Variants in VTA1 observed in about 807,000 individuals in gnomAD.
VTA1 encodes vacuolar protein sorting-associated protein VTA1 homolog.
Under a neutral mutation model 36.9 loss-of-function variants are expected in VTA1, and 24 were observed. That is an observed-to-expected ratio of 0.65 (90% CI 0.47 to 0.91). The LOEUF is 0.91. VTA1 is among the 40% of genes least tolerant of loss of function. The pLI is 0.00. For synonymous variants in VTA1, 142 were observed against 130.2 expected (o/e 1.09, Z -0.62); for missense variants, 393 against 377.2 (o/e 1.04, Z -0.35).
At chr6:142,215,939 T>C (rs532890564) in intron 7 of VTA1, among the ~76,000 whole-genome samples, 3 of 152,302 alleles carry the variant, frequency 2.0e-5, no homozygotes, top group Admixed American at 1.3e-4. Context: ...GATCTTGTCC[T>C]GACCTCTGAA....
intron 4 of VTA1, among the ~76,000 whole-genome samples, chr6:142,187,918 T>C (rs996205079): frequency 6.7e-6 from 1 of 148,834 alleles, no homozygotes; most frequent in African/African-American, 2.5e-5. Context: ...CTTTCTTTTT[T>C]TTTTTTTTTT....
intron 4 of VTA1, 110 bp from the exon 5 acceptor site, chr6:142,189,316 A>T: frequency 2.4e-6 from 2 of 831,926 alleles, no homozygotes; most frequent in South Asian, 3.8e-5. Context: ...TTAGAGCTGT[A>T]ATCTGCAAAA....
chr6:142,198,700 G>A (rs986822089), intron 6 of VTA1, 85 bp downstream of exon 6: 7 of 1,284,132 alleles, frequency 5.5e-6, no homozygotes, highest in Middle Eastern at 1.9e-4. Flanking sequence ...GCCTCATAAT[G>A]ATGGTCATGA....
At chr6:142,157,678 G>A (rs1778688099) in intron 1 of VTA1, among the ~76,000 whole-genome samples, 1 of 151,952 alleles carries the variant, frequency 6.6e-6, no homozygotes, top group Non-Finnish European at 1.5e-5. Flanking sequence ...ATTATATTTG[G>A]TTGTTCAAAG....
intron 5 of VTA1, among the ~76,000 whole-genome samples, chr6:142,191,628 A>G (rs1471296060): frequency 2.0e-5 from 3 of 152,096 alleles, no homozygotes; most frequent in African/African-American, 7.2e-5. Context: ...ATTGTAAGCT[A>G]CAGAATACTA....
In VTA1 at chr6:142,170,428, G is replaced by A. The variant is rs749945279; in HGVS notation, c.411+7G>A. The A allele has an allele frequency of 3.2e-5, 50 of 1,549,072 alleles. No individual in the cohort carries two copies. The highest frequency in any genetic ancestry group is 4.2e-5 in the Non-Finnish European group (48 of 1,133,860). ...TGGAGAACTCACTGATGAAGTGAGT[G>A]TACATTCTTTATTGTCTTATTAGCT... On this transcript the variant is annotated splice_region_variant and intron_variant, in intron 4 of 7. Transcript: ENST00000367630.
In VTA1 at chr6:142,189,479, T is replaced by C; in HGVS notation, c.465T>C (p.Cys155=). ...GGAAGGCAACATACATCCATAATTG[T>C]TTAAAGAATGGGGAGACTCCTCAAG... ...ARWKATYIHN[C]LKNGETPQAG... The change falls in exon 5 of 8, where the codon TGT becomes TGC. Residue 155 remains cysteine, a synonymous_variant. Transcript: ENST00000367630. 4 of 1,614,028 alleles carry C rather than the reference T, an allele frequency of 2.5e-6. No individual in the cohort carries two copies. Among genetic ancestry groups the C allele is most frequent in the Non-Finnish European group, 3.4e-6 (4 of 1,179,956 alleles).
At chr6:142,165,792 T>C (rs1428660482) in intron 1 of VTA1, among the ~76,000 whole-genome samples, 1 of 152,188 alleles carries the variant, frequency 6.6e-6, no homozygotes, top group African/African-American at 2.4e-5. Context: ...AAAATTACTA[T>C]AGCAATTCTT....
At position 142,170,293 on chromosome 6, in the gene VTA1, T is replaced by G. The variant is rs1775003191; in HGVS notation, c.336-53T>G. ...TTTTCTTATAGCTAAATGACAAAAC[T>G]ACATTTTAATGTGTTTCATATTTAA... On this transcript the variant is annotated intron_variant, in intron 3 of 7. Transcript: ENST00000367630. 9 of 1,358,116 alleles carry G rather than the reference T, an allele frequency of 6.6e-6. No individual in the cohort carries two copies. In the Admixed American group the frequency reaches 1.7e-4, roughly 25 times the overall value. 84.1% of individuals were successfully genotyped at this position (1,358,116 alleles called of 1,614,324 possible).
intron 4 of VTA1, among the ~76,000 whole-genome samples, chr6:142,184,153 A>G (rs1375104423): frequency 6.6e-6 from 1 of 152,214 alleles, no homozygotes; most frequent in Admixed American, 6.5e-5. Context: ...ACCAAAAGGT[A>G]CATTCTGCAT....
rs1776147054 is a variant in VTA1, at chr6:142,223,230, C to CA, written c.*4588dup. 6.6e-6 allele frequency: 1 copy of CA among 152,148 alleles called. No homozygotes were observed. The highest frequency in any genetic ancestry group is 1.5e-5 in the Non-Finnish European group (1 of 68,032). The allele number at this position is 152,148 out of a possible 1,614,324, so 9.4% of individuals were successfully genotyped here. ...TTGCACCCTCAATATCTGGAATATA[C>CA]ACTGATCTATGACCTGAAATTGTAT... On this transcript the variant is annotated 3_prime_UTR_variant, in exon 8 of 8. Coordinates refer to ENST00000367630, the MANE Select transcript of VTA1 (RefSeq NM_016485.5).
intron 7 of VTA1, among the ~76,000 whole-genome samples, chr6:142,207,063 A>G (rs1274156871): frequency 6.6e-6 from 1 of 152,164 alleles, no homozygotes; most frequent in Admixed American, 6.5e-5. Flanking sequence ...ACAAATATAC[A>G]GCACTGAGAT....
Position 142,157,355 on chromosome 6 carries a change from T to A in VTA1, c.113-8873T>A, listed in dbSNP as rs114436232. 4.3e-3 allele frequency among the ~76,000 whole-genome samples: 659 copies of A among 152,298 alleles called. 7 individuals carry two copies. The highest frequency in any genetic ancestry group is 0.015 in the African/African-American group (624 of 41,550). On this transcript the variant is annotated intron_variant, in intron 1 of 7. Transcript: ENST00000367630. ...TATTGCTTGATTACTTACTTTTTTT[T>A]ATTAATAAGCTTTCTCAGGGTACTT...
intron 7 of VTA1, among the ~76,000 whole-genome samples, chr6:142,216,941 A>T (rs1159081626): frequency 6.6e-6 from 1 of 152,224 alleles, no homozygotes; most frequent in East Asian, 1.9e-4. Context: ...TCAATTTTCA[A>T]AGATGTTTCC....
chr6:142,216,243 T>C (rs1428450138), intron 7 of VTA1, among the ~76,000 whole-genome samples: 1 of 152,184 alleles, frequency 6.6e-6, no homozygotes, highest in Non-Finnish European at 1.5e-5. Context: ...TTTACCCTTA[T>C]ATATTTTTCG....
At chr6:142,204,779 C>G (rs1052229895) in intron 7 of VTA1, among the ~76,000 whole-genome samples, 2 of 151,990 alleles carry the variant, frequency 1.3e-5, no homozygotes, top group Admixed American at 6.6e-5. Context: ...GTGTGGAGTG[C>G]AGTGGCGCAA....
At chr6:142,193,151 G>A (rs1229094988) in intron 5 of VTA1, among the ~76,000 whole-genome samples, 3 of 152,020 alleles carry the variant, frequency 2.0e-5, no homozygotes, top group Non-Finnish European at 2.9e-5. Flanking sequence ...TGATGCTTTT[G>A]AAAAGTACAG....
intron 7 of VTA1, among the ~76,000 whole-genome samples, chr6:142,215,390 G>A (rs1260869350): frequency 6.0e-5 from 9 of 150,724 alleles, no homozygotes; most frequent in African/African-American, 1.2e-4. Flanking sequence ...GCAGTGAGCC[G>A]AGATCATGCC....
chr6:142,169,761 C>T, intron 3 of VTA1, 84 bp downstream of exon 3: 1 of 1,230,112 alleles, frequency 8.1e-7, no homozygotes, highest in Non-Finnish European at 1.1e-6. Flanking sequence ...GGAACACTTT[C>T]TAACCTGCTG....
Sources: allele counts gnomAD v4.1 joint callset (sites outside exome capture counted in the v4.1 genomes callset), GRCh38; gene constraint gnomAD v4.1.1; transcripts MANE v1.5; gene names NCBI Gene and HGNC (gene_info 2026-07-23, HGNC 2026-07-21).